The following MME variants were observed in gnomAD, a reference collection of about 807,000 sequenced individuals.
MME encodes the protein membrane metalloendopeptidase, also known as neprilysin.
In MME, 98 loss-of-function variants were observed where a neutral mutation model predicts 113.2. The ratio of observed to expected loss-of-function variants is 0.87; its 90% CI spans 0.74 to 1.02. The LOEUF (loss-of-function observed/expected upper bound fraction) is 1.02. Ranked by LOEUF, MME falls within the 50% of genes least tolerant of loss-of-function variation. MME has a pLI of 0.00. For missense variants in MME, 836 were observed against 896.0 expected (o/e 0.93, Z 0.86); for synonymous variants, 292 against 300.6 (o/e 0.97, Z 0.30).
chr3:155,129,600 AC>A (rs1719972780), intron 8 of MME, among the ~76,000 whole-genome samples: 1 of 152,130 alleles, frequency 6.6e-6, no homozygotes, highest in Non-Finnish European at 1.5e-5. Flanking sequence ...GCCCACATTC[AC>A]CGTGTCTGCT....
intron 7 of MME, among the ~76,000 whole-genome samples, chr3:155,118,421 C>T (rs184706717): frequency 2.0e-4 from 30 of 152,328 alleles, no homozygotes; most frequent in Admixed American, 9.2e-4. Context: ...GAAATTTCCA[C>T]GTCCTAGAAT....
chr3:155,154,944 T>G (rs1204863614), intron 16 of MME, among the ~76,000 whole-genome samples: 5 of 152,166 alleles, frequency 3.3e-5, no homozygotes, highest in African/African-American at 1.2e-4. Context: ...CTTGAACAAA[T>G]CAGTTTAATT....
At chr3:155,103,403 G>T (rs1305602007) in intron 3 of MME, among the ~76,000 whole-genome samples, 3 of 152,084 alleles carry the variant, frequency 2.0e-5, no homozygotes, top group African/African-American at 7.2e-5. Flanking sequence ...TCTCAGTTCA[G>T]TATTTCTGTA....
intron 8 of MME, among the ~76,000 whole-genome samples, chr3:155,130,528 G>T (rs954154336): frequency 1.3e-5 from 2 of 152,128 alleles, no homozygotes; most frequent in African/African-American, 4.8e-5. Flanking sequence ...TAAAAATAGA[G>T]ACATTTTAGG....
intron 3 of MME, among the ~76,000 whole-genome samples, chr3:155,104,273 T>C (rs970149937): frequency 1.3e-5 from 2 of 152,080 alleles, no homozygotes; most frequent in African/African-American, 4.8e-5. Context: ...AGAAAATCTT[T>C]TGGAGAAAGC....
At chr3:155,037,692 C>G (rs925630454) in intron 1 of MME, among the ~76,000 whole-genome samples, 4 of 152,038 alleles carry the variant, frequency 2.6e-5, no homozygotes, top group Non-Finnish European at 5.9e-5. Flanking sequence ...GTCCCAGAAA[C>G]CAGTGAAGAA....
At chr3:155,065,386 C>T (rs945948573) in intron 1 of MME, among the ~76,000 whole-genome samples, 1 of 152,080 alleles carries the variant, frequency 6.6e-6, no homozygotes, top group East Asian at 1.9e-4. Context: ...TATGTGTGTA[C>T]TTAGAAAATA....
chr3:155,070,644 T>C (rs371113655), intron 1 of MME, among the ~76,000 whole-genome samples: 1 of 152,206 alleles, frequency 6.6e-6, no homozygotes, highest in African/African-American at 2.4e-5. Context: ...ATATTTCTAT[T>C]TCACCTGGCA....
Position 155,034,842 on chromosome 3 carries a change from T to C in MME, c.-11+10518T>C, listed in dbSNP as rs142859663. On this transcript the variant is annotated intron_variant, in intron 1 of 22. Coordinates refer to the MME transcript ENST00000492661. ...AGCATAAAAAATAATGAAAGAAAGT[T>C]TGAATTTACATCCAGGATAACAAAC... Among the ~76,000 whole-genome samples the C allele has an allele frequency of 9.2e-5, 14 of 152,296 alleles. No individual in the cohort carries two copies. The East Asian group carries it at 2.7e-3, about 29-fold the overall frequency.
chr3:155,127,088 G>A (rs545604856), intron 8 of MME, among the ~76,000 whole-genome samples: 13 of 151,832 alleles, frequency 8.6e-5, no homozygotes, highest in African/African-American at 2.2e-4. Context: ...ATGATTCATC[G>A]ATTTATATTG....
chr3:155,072,711 T>C (rs924011852), intron 1 of MME, among the ~76,000 whole-genome samples: 4 of 152,200 alleles, frequency 2.6e-5, no homozygotes, highest in South Asian at 2.1e-4. Context: ...TTTTTGAAAA[T>C]TATTATAGAC....
Position 155,114,985 on chromosome 3 carries a change from C to T in MME, c.197-9C>T. The stretch of plus-strand genomic sequence containing the variant: ...ATCATTTTATCTAGTGTTTTCTCTG[C>T]TCTTGCAGCTGCTCGACTGATCCAA... On this transcript the variant is annotated splice_polypyrimidine_tract_variant and intron_variant, in intron 3 of 22. Transcript: ENST00000360490. 3 of 1,613,864 alleles carry T rather than the reference C, an allele frequency of 1.9e-6. No individual in the cohort carries two copies. Among genetic ancestry groups the T allele is most frequent in the Non-Finnish European group, 2.5e-6 (3 of 1,179,794 alleles).
At chr3:155,053,324 T>G (rs1261473103) in intron 1 of MME, among the ~76,000 whole-genome samples, 1 of 152,140 alleles carries the variant, frequency 6.6e-6, no homozygotes, top group African/African-American at 2.4e-5. Context: ...ACTGGGTAAT[T>G]TGTAAAGAAA....
intron 3 of MME, among the ~76,000 whole-genome samples, chr3:155,109,210 A>G (rs1415736576): frequency 2.7e-5 from 2 of 75,450 alleles, no homozygotes; most frequent in African/African-American, 3.8e-5. Flanking sequence ...AGAGGAGGCC[A>G]TGGGGGGTGA....
chr3:155,167,607 A>C (rs993668264), intron 18 of MME, among the ~76,000 whole-genome samples: 3 of 152,212 alleles, frequency 2.0e-5, no homozygotes, highest in Non-Finnish European at 2.9e-5. Context: ...AGTTCAATCT[A>C]TGACAAATTT....
At chr3:155,076,800 A>C (rs1239321083), upstream of MME, among the ~76,000 whole-genome samples, 1 of 152,200 alleles carries the variant, frequency 6.6e-6, no homozygotes, top group Non-Finnish European at 1.5e-5. Context: ...TTTAAACTAT[A>C]TAGGTTAACT....
At chr3:155,089,623 T>C (rs1716103259) in intron 3 of MME, among the ~76,000 whole-genome samples, 1 of 152,210 alleles carries the variant, frequency 6.6e-6, no homozygotes, top group Non-Finnish European at 1.5e-5. Flanking sequence ...TTATCAATGC[T>C]TCCCTCTTAA....
rs769934048 is a variant in MME, at chr3:155,085,054, T to C, written c.161-5T>C. The stretch of plus-strand genomic sequence containing the variant: ...ATATTTATGTATATTCTCTCCTTTT[T>C]CTAGATGGTATTTGCAAGTCATCAG... On this transcript the variant is annotated splice_region_variant and splice_polypyrimidine_tract_variant and intron_variant, in intron 2 of 22. Coordinates refer to ENST00000360490, the MANE Select transcript of MME (RefSeq NM_007289.4). 3.8e-6 allele frequency: 6 copies of C among 1,584,244 alleles called. No individual in the cohort carries two copies. The Admixed American group carries it at 5.1e-5, about 13-fold the overall frequency.
intron 8 of MME, among the ~76,000 whole-genome samples, chr3:155,133,062 A>AAAATAT (rs1553762419): frequency 2.7e-5 from 2 of 75,082 alleles, no homozygotes; most frequent in Non-Finnish European, 5.2e-5. Flanking sequence ...AAAAAAAAAA[A>AAAATAT]ATATATATAT....
Sources: gnomAD v4.1 joint callset for allele counts (sites outside exome capture counted in the v4.1 genomes callset) on GRCh38, gnomAD v4.1.1 for gene constraint, MANE v1.5 for transcripts, NCBI Gene and HGNC (gene_info 2026-07-23, HGNC 2026-07-21) for gene names.